TENM3: variants seen among roughly 807,000 people sequenced by gnomAD.
TENM3 encodes teneurin transmembrane protein 3, also known as teneurin-3.
A neutral mutation model predicts 255.1 loss-of-function variants in TENM3; 63 were observed. That is an observed-to-expected ratio of 0.25 (90% CI 0.20 to 0.30). The LOEUF (loss-of-function observed/expected upper bound fraction) is 0.30. TENM3 is among the 10% of genes least tolerant of loss of function. The pLI, the probability that TENM3 is intolerant of heterozygous loss-of-function variation, is 1.00. For synonymous variants in TENM3, 1,306 were observed against 1,322.3 expected (o/e 0.99, Z 0.27); for missense variants, 2,929 against 3,461.1 (o/e 0.85, Z 3.86).
At chr4:181,553,299 AGTGT>A in the TENM3 span, among the ~76,000 whole-genome samples, 1 of 86,106 alleles carries the variant, frequency 1.2e-5, no homozygotes, top group African/African-American at 4.0e-5. Flanking sequence ...GTGTGTGTGT[AGTGT>A]GTGTGTATGT....
At chr4:182,661,600 T>G (rs948172178) in intron 6 of TENM3, among the ~76,000 whole-genome samples, 1 of 152,224 alleles carries the variant, frequency 6.6e-6, no homozygotes, top group Non-Finnish European at 1.5e-5. Context: ...TTCACTTAGC[T>G]TGTGATGTAA....
chr4:181,807,844 G>A, the TENM3 span, among the ~76,000 whole-genome samples: 1 of 152,156 alleles, frequency 6.6e-6, no homozygotes, highest in Non-Finnish European at 1.5e-5. Context: ...GAGTCCCTGT[G>A]GCTTCAGCCA....
At chr4:181,789,218 ATTTATTTTATTTTATTTTAT>A in the TENM3 span, among the ~76,000 whole-genome samples, 2 of 145,550 alleles carry the variant, frequency 1.4e-5, no homozygotes, top group African/African-American at 2.5e-5. Flanking sequence ...AGCCCCCTTT[ATTTATTTTATTTTATTTTAT>A]TTTATTTTAT....
At chr4:182,417,994 G>GA (rs199574569) in intron 3 of TENM3, among the ~76,000 whole-genome samples, 3,962 of 152,006 alleles carry the variant, frequency 0.026, 76 homozygotes, top group Non-Finnish European at 0.036. Context: ...CCCTAATTTT[G>GA]AAAAAAATTC....
At chr4:181,574,564 T>C in the TENM3 span, among the ~76,000 whole-genome samples, 5 of 151,586 alleles carry the variant, frequency 3.3e-5, no homozygotes, top group Admixed American at 3.3e-4. Context: ...TGTCTTCCAG[T>C]TTATCAGGAT....
chr4:181,668,967 CATAG>C, the TENM3 span, among the ~76,000 whole-genome samples: 6 of 152,208 alleles, frequency 3.9e-5, no homozygotes, highest in Admixed American at 3.3e-4. Flanking sequence ...AAAATGGAAT[CATAG>C]ATAGATAGAG....
chr4:181,473,835 G>GTATA, the TENM3 span, among the ~76,000 whole-genome samples: 36,826 of 142,310 alleles, frequency 0.26, 4,984 homozygotes, highest in South Asian at 0.33. Context: ...TATGTATACT[G>GTATA]TATATATATA....
chr4:182,137,989 T>C, the TENM3 span, among the ~76,000 whole-genome samples: 1 of 152,254 alleles, frequency 6.6e-6, no homozygotes, highest in African/African-American at 2.4e-5. Context: ...AATATGTTTC[T>C]ATAAGTAGTA....
intron 3 of TENM3, among the ~76,000 whole-genome samples, chr4:182,558,101 G>A (rs936987725): frequency 9.2e-5 from 14 of 152,244 alleles, no homozygotes; most frequent in African/African-American, 2.9e-4. Context: ...TGAGGTAATC[G>A]TGAGTTTCTG....
intron 5 of TENM3, among the ~76,000 whole-genome samples, chr4:182,638,458 G>A (rs987116876): frequency 3.3e-5 from 5 of 151,924 alleles, no homozygotes; most frequent in African/African-American, 1.2e-4. Context: ...ATTGAGTTGG[G>A]CCTAAAGGTG....
the TENM3 span, among the ~76,000 whole-genome samples, chr4:182,021,646 C>G: frequency 1.3e-5 from 2 of 152,136 alleles, no homozygotes; most frequent in Non-Finnish European, 2.9e-5. Context: ...CCTGTGAGTG[C>G]AAGAATGAAG....
the TENM3 span, among the ~76,000 whole-genome samples, chr4:182,023,538 G>C: frequency 7.9e-5 from 12 of 152,146 alleles, no homozygotes; most frequent in Non-Finnish European, 1.6e-4. Context: ...TTATATCATA[G>C]GGAGGAATTT....
intron 3 of TENM3, among the ~76,000 whole-genome samples, chr4:182,363,126 A>G (rs1580301181): frequency 6.6e-6 from 1 of 152,282 alleles, no homozygotes; most frequent in African/African-American, 2.4e-5. Flanking sequence ...AAATCCTTCT[A>G]TAAAACTGTG....
At chr4:181,745,589 T>C in the TENM3 span, among the ~76,000 whole-genome samples, 1 of 152,126 alleles carries the variant, frequency 6.6e-6, no homozygotes, top group Admixed American at 6.5e-5. Flanking sequence ...GCTGAGCCAT[T>C]GCAAAGTAAT....
At chr4:182,386,225 G>A (rs1226469107) in intron 3 of TENM3, among the ~76,000 whole-genome samples, 1 of 152,198 alleles carries the variant, frequency 6.6e-6, no homozygotes, top group Non-Finnish European at 1.5e-5. Context: ...TCATAATTGT[G>A]AATAGCAAAC....
In TENM3 at chr4:182,686,366, G is replaced by A. The variant is rs1756573132; in HGVS notation, c.2036-1800G>A. On this transcript the variant is annotated intron_variant, in intron 11 of 27. Transcript: ENST00000511685. ...TTGTGTACCTCAAATTTATCTGGTTGTTGCACAGTTCTCATTTAAAGCTTA... is the reference window on the plus strand; with the variant it reads ...TTGTGTACCTCAAATTTATCTGGTTATTGCACAGTTCTCATTTAAAGCTTA... 5.9e-5 allele frequency among the ~76,000 whole-genome samples: 9 copies of A among 152,132 alleles called. No homozygotes were observed. In the South Asian group the frequency reaches 1.9e-3, roughly 32 times the overall value.
At chr4:182,568,095 AATCATGT>A (rs1743976712) in intron 3 of TENM3, among the ~76,000 whole-genome samples, 3 of 152,202 alleles carry the variant, frequency 2.0e-5, no homozygotes, top group Non-Finnish European at 4.4e-5. Flanking sequence ...AAGTTATGGG[AATCATGT>A]GCACCTAATT....
chr4:181,606,153 G>T, the TENM3 span, among the ~76,000 whole-genome samples: 1 of 152,004 alleles, frequency 6.6e-6, no homozygotes, highest in African/African-American at 2.4e-5. Context: ...CATTTTCCTG[G>T]TCCAATCCAC....
chr4:182,582,885 C>T (rs374973832), intron 3 of TENM3, among the ~76,000 whole-genome samples: 3 of 152,266 alleles, frequency 2.0e-5, no homozygotes, highest in Admixed American at 6.5e-5. Context: ...AGAATCGCAG[C>T]GATTTGCCTT....
Sources: gnomAD v4.1 joint callset for allele counts (sites outside exome capture counted in the v4.1 genomes callset) on GRCh38, gnomAD v4.1.1 for gene constraint, MANE v1.5 for transcripts, NCBI Gene and HGNC (gene_info 2026-07-23, HGNC 2026-07-21) for gene names.